TOR1AIP2: variants seen among roughly 807,000 people sequenced by gnomAD.
TOR1AIP2 encodes torsin-1A-interacting protein 2.
Under a neutral mutation model 32.6 loss-of-function variants are expected in TOR1AIP2, and 20 were observed. The observed-to-expected ratio is 0.61, with a 90% CI of 0.43 to 0.89. TOR1AIP2 has a LOEUF of 0.89. TOR1AIP2 is among the 40% of genes least tolerant of loss of function. TOR1AIP2 has a pLI of 0.00. For synonymous variants in TOR1AIP2, 214 were observed against 210.8 expected, an observed-to-expected ratio of 1.02 and a Z score of -0.13; for missense variants, 456 against 553.8, an observed-to-expected ratio of 0.82 and a Z score of 1.77.
intron 3 of TOR1AIP2, among the ~76,000 whole-genome samples, chr1:179,854,819 C>T (rs562825285): frequency 6.6e-6 from 1 of 152,172 alleles, no homozygotes; most frequent in South Asian, 2.1e-4. Flanking sequence ...TGCAGTGAGC[C>T]CAGATTGCAC....
intron 4 of TOR1AIP2, among the ~76,000 whole-genome samples, chr1:179,852,214 AG>A (rs1401485328): frequency 6.6e-6 from 1 of 150,924 alleles, no homozygotes; most frequent in Admixed American, 6.6e-5. Flanking sequence ...CGGGAGGCGG[AG>A]GTTGCAGTGA....
intron 3 of TOR1AIP2, among the ~76,000 whole-genome samples, chr1:179,854,262 T>C (rs1696215540): frequency 6.6e-6 from 1 of 152,166 alleles, no homozygotes; most frequent in Non-Finnish European, 1.5e-5. Context: ...AATAAAGCTG[T>C]TTCTTTAAAA....
intron 3 of TOR1AIP2, chr1:179,862,313 T>C: frequency 4.1e-6 from 4 of 983,798 alleles, no homozygotes; most frequent in Non-Finnish European, 4.8e-6. Context: ...TTAGGGGCAA[T>C]AATACTGATC....
At chr1:179,866,717 G>C (rs1243243449) in intron 2 of TOR1AIP2, among the ~76,000 whole-genome samples, 1 of 152,172 alleles carries the variant, frequency 6.6e-6, no homozygotes, top group Non-Finnish European at 1.5e-5. Flanking sequence ...CCACCACCTA[G>C]TTTTATTGGT....
In TOR1AIP2 at chr1:179,845,782, T is replaced by C. The variant is rs139194781; in HGVS notation, c.*289A>G. 1.5e-3 allele frequency: 452 copies of C among 291,944 alleles called. 1 individual carries two copies. Among genetic ancestry groups the C allele is most frequent in the African/African-American group, 9.2e-3 (420 of 45,666 alleles). 18.1% of individuals were successfully genotyped at this position (291,944 alleles called of 1,614,324 possible). A position where few individuals can be genotyped will look rare whatever the true frequency, so the allele number is the denominator to read the frequency against. On this transcript the variant is annotated 3_prime_UTR_variant, in exon 7 of 7. Coordinates refer to ENST00000609928, the MANE Select transcript of TOR1AIP2 (RefSeq NM_001199260.2). ...AGTAAGAGTATCTTCCTGTGCAATG[T>C]TGCTATATTTTAGAATTTAAAAAAA... is the stretch of plus-strand genomic sequence containing the variant.
chr1:179,867,853 T>C (rs1272501931), intron 2 of TOR1AIP2: 1 of 152,194 alleles, frequency 6.6e-6, no homozygotes, highest in Non-Finnish European at 1.5e-5. Flanking sequence ...CACCGTTCCA[T>C]ATGTTTCAGA....
intron 3 of TOR1AIP2, among the ~76,000 whole-genome samples, chr1:179,856,831 C>G (rs1243057877): frequency 6.6e-6 from 1 of 152,218 alleles, no homozygotes; most frequent in African/African-American, 2.4e-5. Context: ...CCAGGTTGGT[C>G]TCAAACTCCT....
chr1:179,850,137 AT>A lies in TOR1AIP2; in HGVS notation c.553+707del, dbSNP rs1174307760. 1.5e-3 allele frequency among the ~76,000 whole-genome samples: 222 copies of A among 152,342 alleles called. 1 individual carries two copies. Among genetic ancestry groups the A allele is most frequent in the African/African-American group, 5.2e-3 (218 of 41,562 alleles). On this transcript the variant is annotated intron_variant, in intron 5 of 6. Coordinates refer to ENST00000609928, the MANE Select transcript of TOR1AIP2 (RefSeq NM_001199260.2). ...AAAGTTAGAAGAATGTTTGGATATC[AT>A]CTTGTCCAACTTCTTCATTTTACAA...
rs1165976032 is a variant in TOR1AIP2, at chr1:179,865,616, G to C, written c.-327C>G. 1.9e-5 allele frequency: 3 copies of C among 157,156 alleles called. No individual in the cohort carries two copies. Among genetic ancestry groups the C allele is most frequent in the African/African-American group, 7.2e-5 (3 of 41,540 alleles). 9.7% of individuals were successfully genotyped at this position (157,156 alleles called of 1,614,324 possible). A position where few individuals can be genotyped will look rare whatever the true frequency, so the allele number is the denominator to read the frequency against. ...ATTGTGTCTGCTTGGTGAAACAGAG[G>C]AGCTGACAGGTCCAATGGGTCTTTT... On this transcript the variant is annotated 5_prime_UTR_variant, in exon 3 of 7. Transcript: ENST00000609928.
At chr1:179,873,520 T>G (rs1033481251) in intron 2 of TOR1AIP2, among the ~76,000 whole-genome samples, 2 of 152,272 alleles carry the variant, frequency 1.3e-5, no homozygotes, top group African/African-American at 4.8e-5. Flanking sequence ...TTGATCACTT[T>G]GTTAACATAG....
At position 179,844,016 on chromosome 1, in the gene TOR1AIP2, C is replaced by G. The variant is rs1695811622; in HGVS notation, c.*2055G>C. 6.6e-6 allele frequency: 1 copy of G among 151,980 alleles called. No individual in the cohort carries two copies. The highest frequency in any genetic ancestry group is 1.5e-5 in the Non-Finnish European group (1 of 67,988). 9.4% of individuals were successfully genotyped at this position (151,980 alleles called of 1,614,324 possible). A position where few individuals can be genotyped will look rare whatever the true frequency, so the allele number is the denominator to read the frequency against. ...AACCATATTCAACTGAATGAAGAAA[C>G]AAGAATATGCGACATACTGGTTCCT... On this transcript the variant is annotated 3_prime_UTR_variant, in exon 7 of 7. Transcript: ENST00000609928.
At chr1:179,854,603 C>T (rs1696230129) in intron 3 of TOR1AIP2, among the ~76,000 whole-genome samples, 1 of 152,208 alleles carries the variant, frequency 6.6e-6, no homozygotes, top group Non-Finnish European at 1.5e-5. Flanking sequence ...GGCACGGTGG[C>T]TCATGCCTGT....
intron 3 of TOR1AIP2, among the ~76,000 whole-genome samples, chr1:179,853,584 CA>C (rs1055304158): frequency 4.6e-5 from 7 of 152,110 alleles, no homozygotes; most frequent in Admixed American, 3.9e-4. Flanking sequence ...GGCTTAAATA[CA>C]AAAATATATA....
rs770026524 is a variant in TOR1AIP2, at chr1:179,851,096, T to C, written c.302A>G (p.His101Arg). Reference protein sequence around the residue: ...KQSFLDGGKGHHLPSENLGKE... With the variant: ...KQSFLDGGKGRHLPSENLGKE... Reference sequence around the variant, plus strand: ...ACCCAGATTTTCTGAAGGGAGGTGATGCCCTTTTCCGCCATCCAGAAAACT... The same window carrying C: ...ACCCAGATTTTCTGAAGGGAGGTGACGCCCTTTTCCGCCATCCAGAAAACT... The change falls in exon 5 of 7, where the codon CAT becomes CGT. Residue 101 changes from histidine to arginine, a missense_variant. By Grantham distance (29) the His-to-Arg change is conservative. Coordinates refer to ENST00000609928, the MANE Select transcript of TOR1AIP2 (RefSeq NM_001199260.2). The C allele has an allele frequency of 6.2e-7, 1 of 1,614,272 alleles. No individual in the cohort carries two copies. Among genetic ancestry groups the C allele is most frequent in the Non-Finnish European group, 8.5e-7 (1 of 1,180,044 alleles).
At chr1:179,861,597 C>A in intron 3 of TOR1AIP2, 1 of 985,338 alleles carries the variant, frequency 1.0e-6, no homozygotes, top group Non-Finnish European at 1.2e-6. Flanking sequence ...CTGAAACATT[C>A]CTGATTAGTT....
rs2148421725 is a variant in TOR1AIP2, at chr1:179,846,345, T to G, written c.1139A>C (p.Lys380Thr). ...GGCAGCATTCTCATGATCACAATAC[T>G]TATAGAAGATCAAAGTGGAGCCGGC... ...FPAGSTLIFYKYCDHENAAFK... is the reference protein window; with the variant it reads ...FPAGSTLIFYTYCDHENAAFK... The change falls in exon 7 of 7, where the codon AAG (lysine) becomes ACG (threonine). Residue 380 changes from lysine to threonine, a missense_variant. Coordinates refer to ENST00000609928, the MANE Select transcript of TOR1AIP2 (RefSeq NM_001199260.2). 6.2e-7 allele frequency: 1 copy of G among 1,614,180 alleles called. No homozygotes were observed. Among genetic ancestry groups the G allele is most frequent in the East Asian group, 2.2e-5 (1 of 44,894 alleles).
rs114937221 is a variant in TOR1AIP2 at position 179,851,208 on chromosome 1, C to T, written c.190G>A (p.Ala64Thr). Reference sequence around the variant, plus strand: ...CTTTCTGATTTATCACCTGTATCTGCACTTTCTGGACCTTCTGTCTCTACC... The same window carrying T: ...CTTTCTGATTTATCACCTGTATCTGTACTTTCTGGACCTTCTGTCTCTACC... ...QEVETEGPESADTGDKSESPD... is the reference protein window; with the variant it reads ...QEVETEGPESTDTGDKSESPD... The change falls in exon 5 of 7, where the codon GCA becomes ACA. Residue 64 changes from alanine to threonine, a missense_variant. Physicochemically the swap from Ala to Thr is moderately conservative, Grantham distance 58. Transcript: ENST00000609928. 5 of 1,613,814 alleles carry T rather than the reference C, an allele frequency of 3.1e-6. No homozygotes were observed. Among genetic ancestry groups the T allele is most frequent in the Admixed American group, 3.3e-5 (2 of 60,000 alleles).
At chr1:179,861,672 A>G in intron 3 of TOR1AIP2, 1 of 985,418 alleles carries the variant, frequency 1.0e-6, no homozygotes, top group Non-Finnish European at 1.2e-6. Context: ...TCAGTCTGAC[A>G]TGAAATCTCT....
At chr1:179,865,400 G>A (rs1034561562) in intron 3 of TOR1AIP2, 36 bp downstream of exon 3, 5 of 555,370 alleles carry the variant, frequency 9.0e-6, no homozygotes, top group African/African-American at 1.9e-5. Context: ...CTGAACTCAG[G>A]GACCGATCCA....
Sources: allele counts gnomAD v4.1 joint callset (sites outside exome capture counted in the v4.1 genomes callset), GRCh38; gene constraint gnomAD v4.1.1; transcripts MANE v1.5; gene names NCBI Gene and HGNC (gene_info 2026-07-23, HGNC 2026-07-21).